Variants in MXRA5 observed in about 807,000 individuals in gnomAD.
The protein encoded by MXRA5 is matrix remodeling associated 5.
Under a neutral mutation model 112.5 loss-of-function variants are expected in MXRA5, and 41 were observed. The observed-to-expected ratio is 0.36, with a 90% CI of 0.28 to 0.47. The LOEUF is 0.47. MXRA5 is among the 20% of genes least tolerant of loss of function. The pLI is 0.99. For missense variants in MXRA5, 2,150 were observed against 2,251.0 expected (o/e 0.96, Z 0.91); for synonymous variants, 862 against 900.8 (o/e 0.96, Z 0.77).
In MXRA5 at chrX:3,321,421, A is replaced by G. The variant is rs772162279; in HGVS notation, c.4264T>C (p.Phe1422Leu). The G allele has an allele frequency of 4.1e-6, 5 of 1,211,049 alleles. No homozygotes were observed. The highest frequency in any genetic ancestry group is 5.6e-6 in the Non-Finnish European group (5 of 895,292). ...ELEDVDFTSE[F>L]LSSLTVSTPF... ...GTGGAGACTGTCAAAGAGGACAAAAACTCGGAAGTGAAATCCACATCCTCA... is the reference window on the plus strand; with the variant it reads ...GTGGAGACTGTCAAAGAGGACAAAAGCTCGGAAGTGAAATCCACATCCTCA... Residue 1422 changes from phenylalanine to leucine, a missense_variant, in exon 5 of 7, where the codon TTT (phenylalanine) becomes CTT (leucine). Transcript: ENST00000217939.
intron 6 of MXRA5, among the ~76,000 whole-genome samples, chrX:3,313,668 A>T (rs1459038204): frequency 8.9e-6 from 1 of 112,898 alleles, no homozygotes; most frequent in East Asian, 2.8e-4. Flanking sequence ...ACTAAGAATG[A>T]AGTGACAGAA....
intron 1 of MXRA5, among the ~76,000 whole-genome samples, chrX:3,344,456 G>C (rs920239591): frequency 1.8e-5 from 2 of 111,796 alleles, no homozygotes; most frequent in African/African-American, 6.5e-5. Context: ...GGAAAAGCCA[G>C]AGAGTTTTTT....
intron 6 of MXRA5, 111 bp downstream of exon 6, chrX:3,316,992 T>C: frequency 1.1e-6 from 1 of 877,359 alleles, no homozygotes; most frequent in Non-Finnish European, 1.5e-6. Context: ...TTTCATTTAA[T>C]TTTATCGGAC....
intron 2 of MXRA5, among the ~76,000 whole-genome samples, chrX:3,331,231 G>A (rs188220463): frequency 1.8e-5 from 2 of 111,678 alleles, no homozygotes; most frequent in Admixed American, 1.9e-4. Context: ...TGAGGTTACA[G>A]GGGTGCCATT....
At chrX:3,345,665 G>T (rs769112964) in intron 1 of MXRA5, among the ~76,000 whole-genome samples, 155 of 113,070 alleles carry the variant, frequency 1.4e-3, no homozygotes, top group African/African-American at 4.8e-3. Context: ...CAGCTAGGCC[G>T]CCAGAGACGG....
At position 3,320,903 on chromosome X, in the gene MXRA5, G is replaced by A; in HGVS notation, c.4782C>T (p.Arg1594=). Residue 1594 remains arginine, a synonymous_variant, in exon 5 of 7, where the codon CGC becomes CGT. Transcript: ENST00000217939. The stretch of plus-strand genomic sequence containing the variant: ...GAGAAGCATGAACTCTTCCATCCTG[G>A]CGTTGGCTATCTGGGCCACGTGGTA... ...RSLPRGPDSQ[R]QDGRVHASHQ... 8.3e-7 allele frequency: 1 copy of A among 1,211,821 alleles called. No homozygotes were observed. The highest frequency in any genetic ancestry group is 1.1e-6 in the Non-Finnish European group (1 of 895,582).
intron 4 of MXRA5, 64 bp downstream of exon 4, chrX:3,329,954 G>A: frequency 1.9e-5 from 21 of 1,109,052 alleles, no homozygotes; most frequent in Non-Finnish European, 2.5e-5. Context: ...CTTGGAGAAT[G>A]GAACGTCTCC....
Position 3,330,322 on chromosome X carries a change from G to A in MXRA5, c.405C>T (p.Asp135=), listed in dbSNP as rs144449334. The change falls in exon 4 of 7, where the codon GAC becomes GAT. Residue 135 remains aspartate (D), a synonymous_variant. Coordinates refer to ENST00000217939, the MANE Select transcript of MXRA5 (RefSeq NM_015419.4). ...GGTGGATAAACTCGATCTTGTTGTG[G>A]TCAATGTGCAGCCTCATTAAGTTAG... ...GLSNLMRLHI[D]HNKIEFIHPQ... is the part of the protein sequence containing the mutation. 1.7e-6 allele frequency: 2 copies of A among 1,208,737 alleles called. No homozygotes were observed. Among genetic ancestry groups the A allele is most frequent in the African/African-American group, 3.5e-5 (2 of 56,929 alleles).
chrX:3,325,873 ATATAATTTATAAT>A (rs1281846735), intron 4 of MXRA5, among the ~76,000 whole-genome samples: 9 of 97,588 alleles, frequency 9.2e-5, no homozygotes, highest in African/African-American at 3.4e-4. Flanking sequence ...AATTTATAAT[ATATAATTTATAAT>A]TATAATTTAT....
rs747006352 is a variant in MXRA5 at position 3,322,546 on chromosome X, T to C, written c.3139A>G (p.Ser1047Gly). The C allele has an allele frequency of 2.6e-5, 32 of 1,209,771 alleles. No individual in the cohort carries two copies. Among genetic ancestry groups the C allele is most frequent in the Non-Finnish European group, 3.6e-5 (32 of 895,158 alleles). ...AGTAAGGTGTCTTGAGTGCTTAGAC[T>C]ACTTTTCACAAGGTGGATGTTGTCT... Reference protein sequence around the residue: ...LTDNIHLVKSSLSTQDTLLIK... With the variant: ...LTDNIHLVKSGLSTQDTLLIK... The change falls in exon 5 of 7, where the codon AGT becomes GGT. Residue 1047 changes from serine to glycine, a missense_variant. This residue lies in a region of MXRA5 where 1,485 missense variants were observed against 1,471.6 expected (regional missense o/e 1.01). Transcript: ENST00000217939.
intron 2 of MXRA5, among the ~76,000 whole-genome samples, chrX:3,335,244 T>C (rs1482499122): frequency 1.8e-5 from 2 of 111,970 alleles, no homozygotes; most frequent in Non-Finnish European, 3.8e-5. Flanking sequence ...TCGCCCAGGC[T>C]GAAGTGCAGT....
intron 6 of MXRA5, among the ~76,000 whole-genome samples, chrX:3,315,054 G>C (rs1378489401): frequency 9.2e-6 from 1 of 109,284 alleles, no homozygotes; most frequent in Non-Finnish European, 1.9e-5. Flanking sequence ...GCTAAGACAG[G>C]GTTACTTGAC....
At chrX:3,328,494 G>A (rs887916916) in intron 4 of MXRA5, among the ~76,000 whole-genome samples, 4 of 111,342 alleles carry the variant, frequency 3.6e-5, no homozygotes, top group East Asian at 5.6e-4. Context: ...AATCAGTTAC[G>A]CAGAGGTGTG....
Position 3,324,269 on chromosome X carries a change from C to T in MXRA5, c.1416G>A (p.Arg472=). ...GCTCAATCATTACCCAGCTTCTGCCCCGAGCCTGCCTTGTATCTTTGGTGG... is the reference window on the plus strand; with the variant it reads ...GCTCAATCATTACCCAGCTTCTGCCTCGAGCCTGCCTTGTATCTTTGGTGG... ...TISTKDTRQA[R]GRSWVMIEPS... The change falls in exon 5 of 7, where the codon CGG becomes CGA. Residue 472 remains arginine, a synonymous_variant. Coordinates refer to ENST00000217939, the MANE Select transcript of MXRA5 (RefSeq NM_015419.4). The T allele has an allele frequency of 1.7e-6, 2 of 1,211,703 alleles. No individual in the cohort carries two copies. The highest frequency in any genetic ancestry group is 2.3e-4 in the Middle Eastern group (1 of 4,353).
At chrX:3,315,407 A>ATAGATAGATAGAT (rs1921088065) in intron 6 of MXRA5, among the ~76,000 whole-genome samples, 1 of 98,171 alleles carries the variant, frequency 1.0e-5, no homozygotes, top group African/African-American at 3.7e-5. Flanking sequence ...ATAGATAGAT[A>ATAGATAGATAGAT]GATAGATAGA....
chrX:3,344,842 G>A (rs1380481369), intron 1 of MXRA5, among the ~76,000 whole-genome samples: 2 of 111,261 alleles, frequency 1.8e-5, no homozygotes, highest in Non-Finnish European at 3.8e-5. Context: ...GGCCGGACTC[G>A]GTGGCTCACG....
chrX:3,319,973 C>CAAAA, intron 5 of MXRA5, 35 bp downstream of exon 5: 2 of 884,839 alleles, frequency 2.3e-6, no homozygotes, highest in Non-Finnish European at 3.1e-6. Flanking sequence ...AAAAATTGAC[C>CAAAA]AAAAAAAAAA....
At chrX:3,331,808 T>G (rs766163511) in intron 2 of MXRA5, among the ~76,000 whole-genome samples, 1 of 112,298 alleles carries the variant, frequency 8.9e-6, no homozygotes, top group African/African-American at 3.2e-5. Flanking sequence ...ATATTGGTAA[T>G]AGCATACAAC....
chrX:3,308,670 A>T lies in MXRA5; in HGVS notation c.*1046T>A, dbSNP rs1467045661. The T allele has an allele frequency of 3.6e-4, 40 of 112,048 alleles. No homozygotes were observed. The highest frequency in any genetic ancestry group is 1.3e-3 in the African/African-American group (39 of 30,859). 9.2% of individuals were successfully genotyped at this position (112,048 alleles called of 1,213,427 possible). Reference sequence around the variant, plus strand: ...AGGTCGTGTATTATTCATGGGCACAAACTGACTCATGGCTGGGGAAGAAGC... The same window carrying T: ...AGGTCGTGTATTATTCATGGGCACATACTGACTCATGGCTGGGGAAGAAGC... On this transcript the variant is annotated 3_prime_UTR_variant, in exon 7 of 7. Coordinates refer to ENST00000217939, the MANE Select transcript of MXRA5 (RefSeq NM_015419.4).
Sources: allele counts gnomAD v4.1 joint callset (sites outside exome capture counted in the v4.1 genomes callset), GRCh38; gene constraint gnomAD v4.1.1; regional missense constraint gnomAD v4.1.1; transcripts MANE v1.5; gene names NCBI Gene and HGNC (gene_info 2026-07-23, HGNC 2026-07-21).